The following COX10 variants were observed in gnomAD, a reference collection of about 807,000 sequenced individuals.
The protein encoded by COX10 is protoheme IX farnesyltransferase, mitochondrial.
COX10 carries 27 observed loss-of-function variants against 37.3 expected under a neutral mutation model. The ratio of observed to expected loss-of-function variants is 0.72; its 90% CI spans 0.53 to 1.00. The LOEUF (loss-of-function observed/expected upper bound fraction) is 1.00. Ranked by LOEUF, COX10 falls within the 50% of genes least tolerant of loss-of-function variation. The pLI is 0.00. For missense variants in COX10, 475 were observed against 563.2 expected (o/e 0.84, Z 1.59); for synonymous variants, 222 against 229.1 (o/e 0.97, Z 0.28).
intron 6 of COX10, among the ~76,000 whole-genome samples, chr17:14,202,605 A>G: frequency 6.6e-6 from 1 of 152,108 alleles, no homozygotes. Context: ...CAGGCATTTC[A>G]ACTGAGATGT....
intron 6 of COX10, among the ~76,000 whole-genome samples, chr17:14,199,261 G>C (rs1906457778): frequency 6.6e-6 from 1 of 152,172 alleles, no homozygotes; most frequent in Admixed American, 6.5e-5. Context: ...ATAGATGACG[G>C]TGTGCCAGCC....
intron 4 of COX10, among the ~76,000 whole-genome samples, chr17:14,150,786 A>T (rs994073918): frequency 6.6e-6 from 1 of 152,188 alleles, no homozygotes; most frequent in African/African-American, 2.4e-5. Context: ...CTTCAACTAG[A>T]AGAAGGCAGG....
chr17:14,187,877 G>A (rs550570057), intron 5 of COX10, among the ~76,000 whole-genome samples: 41 of 152,128 alleles, frequency 2.7e-4, no homozygotes, highest in Admixed American at 8.5e-4. Flanking sequence ...AGCCTACCCA[G>A]TTTTCATTCA....
chr17:14,096,546 GT>G lies in COX10; in HGVS notation c.500-5567del, dbSNP rs549738080. Among the ~76,000 whole-genome samples the G allele has an allele frequency of 5.6e-4, 85 of 151,790 alleles. 1 individual carries two copies. Among genetic ancestry groups the G allele is most frequent in the African/African-American group, 1.9e-3 (78 of 41,414 alleles). ...CATGCCACTGAGCTGGGCTAATTTA[GT>G]TTTTGTAGAACAGGGTCTCACTTTG... On this transcript the variant is annotated intron_variant, in intron 3 of 6. Coordinates refer to ENST00000261643, the MANE Select transcript of COX10 (RefSeq NM_001303.4).
chr17:14,155,014 G>A (rs1905002375), intron 4 of COX10, among the ~76,000 whole-genome samples: 1 of 152,190 alleles, frequency 6.6e-6, no homozygotes, highest in Non-Finnish European at 1.5e-5. Context: ...GGAATGAGCA[G>A]TGTGAGAAGT....
chr17:14,069,795 G>A, intron 1 of COX10, 147 bp downstream of exon 1: 1 of 929,250 alleles, frequency 1.1e-6, no homozygotes, highest in Non-Finnish European at 1.7e-6. Context: ...GACCTCTGGA[G>A]TAGCTTGGAG....
At chr17:14,149,869 G>T (rs1194383590) in intron 4 of COX10, among the ~76,000 whole-genome samples, 1 of 152,148 alleles carries the variant, frequency 6.6e-6, no homozygotes, top group Non-Finnish European at 1.5e-5. Flanking sequence ...AATCCCAAGA[G>T]CCTGAGTACT....
chr17:14,172,100 C>A (rs56232727), intron 5 of COX10, among the ~76,000 whole-genome samples: 3,724 of 152,152 alleles, frequency 0.024, 125 homozygotes, highest in African/African-American at 0.075. Flanking sequence ...TCCTAACCCT[C>A]CTTCCATCTG....
At chr17:14,204,219 G>C (rs1057367768) in intron 6 of COX10, among the ~76,000 whole-genome samples, 1 of 152,102 alleles carries the variant, frequency 6.6e-6, no homozygotes, top group Non-Finnish European at 1.5e-5. Flanking sequence ...CCTGGACCCT[G>C]TGGCTTGCTC....
At chr17:14,199,091 G>A (rs1320067466) in intron 6 of COX10, among the ~76,000 whole-genome samples, 2 of 151,384 alleles carry the variant, frequency 1.3e-5, no homozygotes, top group East Asian at 1.9e-4. Flanking sequence ...AAAGAGCTAC[G>A]AAAGAACGTA....
At chr17:14,122,913 A>G (rs1916260240) in intron 4 of COX10, among the ~76,000 whole-genome samples, 1 of 152,210 alleles carries the variant, frequency 6.6e-6, no homozygotes. Flanking sequence ...CTGCTTCTAC[A>G]TGGCATCCGC....
At chr17:14,077,153 A>C in intron 3 of COX10, 97 bp downstream of exon 3, 3 of 1,155,310 alleles carry the variant, frequency 2.6e-6, no homozygotes, top group Middle Eastern at 2.7e-4. Flanking sequence ...ATAATTTGGA[A>C]CTGCAGGTCC....
At position 14,105,725 on chromosome 17, in the gene COX10, C is replaced by T. The variant is rs549481043; in HGVS notation, c.624+3483C>T. ...ATTTTATTTTACTTTTCCTTTATGCCGGACATTGTTCTGTGTTAGAGATAC... is the reference window on the plus strand; with the variant it reads ...ATTTTATTTTACTTTTCCTTTATGCTGGACATTGTTCTGTGTTAGAGATAC... On this transcript the variant is annotated intron_variant, in intron 4 of 6. Coordinates refer to ENST00000261643, the MANE Select transcript of COX10 (RefSeq NM_001303.4). Among the ~76,000 whole-genome samples the T allele has an allele frequency of 4.6e-5, 7 of 152,064 alleles. No homozygotes were observed. The South Asian group carries it at 1.0e-3, about 23-fold the overall frequency.
At chr17:14,206,364 C>T (rs985763820) in intron 6 of COX10, among the ~76,000 whole-genome samples, 12 of 152,166 alleles carry the variant, frequency 7.9e-5, no homozygotes, top group African/African-American at 2.9e-4. Flanking sequence ...CGCTCCAGCA[C>T]AATGGTTGCA....
At chr17:14,083,943 C>T (rs909898287) in intron 3 of COX10, among the ~76,000 whole-genome samples, 6 of 152,062 alleles carry the variant, frequency 3.9e-5, no homozygotes, top group African/African-American at 1.2e-4. Flanking sequence ...AGCTGCAACA[C>T]GTTTTTTGAG....
intron 4 of COX10, among the ~76,000 whole-genome samples, chr17:14,137,492 A>T (rs930882436): frequency 6.6e-6 from 1 of 151,902 alleles, no homozygotes; most frequent in Non-Finnish European, 1.5e-5. Flanking sequence ...TAACCCAGTC[A>T]TTCTTTTTTT....
Position 14,171,208 on chromosome 17 carries a change from T to C in COX10, c.695+11261T>C, listed in dbSNP as rs569207270. On this transcript the variant is annotated intron_variant, in intron 5 of 6. Transcript: ENST00000261643. Reference sequence around the variant, plus strand: ...ATCATCGGAACACTTTTGTGGAGTGTTGTCTATGTAGAAAAGGGTGCTAGT... The same window carrying C: ...ATCATCGGAACACTTTTGTGGAGTGCTGTCTATGTAGAAAAGGGTGCTAGT... 2.0e-5 allele frequency among the ~76,000 whole-genome samples: 3 copies of C among 152,292 alleles called. No individual in the cohort carries two copies. In the East Asian group the frequency reaches 5.8e-4, roughly 29 times the overall value.
chr17:14,095,932 T>C (rs1429515917), intron 3 of COX10, among the ~76,000 whole-genome samples: 1 of 152,168 alleles, frequency 6.6e-6, no homozygotes, highest in Admixed American at 6.5e-5. Context: ...TTTCAGTCTG[T>C]TTTCTTTTGC....
intron 5 of COX10, among the ~76,000 whole-genome samples, chr17:14,170,531 C>T (rs1007106223): frequency 2.6e-5 from 4 of 152,132 alleles, no homozygotes; most frequent in Non-Finnish European, 5.9e-5. Context: ...AATTGCTAGC[C>T]TAGGCCAGGT....
Sources: allele counts gnomAD v4.1 joint callset (sites outside exome capture counted in the v4.1 genomes callset), GRCh38; gene constraint gnomAD v4.1.1; transcripts MANE v1.5; gene names NCBI Gene and HGNC (gene_info 2026-07-23, HGNC 2026-07-21).